POLI: variants seen among roughly 807,000 people sequenced by gnomAD.
POLI encodes the protein RAD30 homolog B.
Under a neutral mutation model 51.6 loss-of-function variants are expected in POLI, and 58 were observed. That is an observed-to-expected ratio of 1.12 (90% CI 0.91 to 1.40). The LOEUF (loss-of-function observed/expected upper bound fraction) is 1.40, where lower values mean the gene tolerates loss of function less well. POLI is among the 40% of genes most tolerant of loss of function. POLI has a pLI of 0.00. For missense variants in POLI, 921 were observed against 871.3 expected (o/e 1.06, Z -0.72); for synonymous variants, 322 against 299.7 (o/e 1.07, Z -0.77).
In POLI at chr18:54,307,498, C is replaced by T. The variant is rs367941055; in HGVS notation, c.334-12775C>T. 1.6e-3 allele frequency among the ~76,000 whole-genome samples: 239 copies of T among 152,200 alleles called. 2 individuals carry two copies. In the Middle Eastern group the frequency reaches 0.017, roughly 11 times the overall value. On this transcript the variant is annotated intron_variant, in intron 3 of 4. Coordinates refer to the POLI transcript ENST00000579823. Reference sequence around the variant, plus strand: ...TTACGTTTGCTGAGGAGTGCTTTACCTCCAACTATGTGGTCAGTTTTGGAA... The same window carrying T: ...TTACGTTTGCTGAGGAGTGCTTTACTTCCAACTATGTGGTCAGTTTTGGAA...
At position 54,315,725 on chromosome 18, in the gene POLI, T is replaced by C. The variant is rs201937402; in HGVS notation, c.334-4548T>C. Among the ~76,000 whole-genome samples the C allele has an allele frequency of 9.2e-5, 14 of 152,306 alleles. No homozygotes were observed. In the East Asian group the frequency reaches 2.1e-3, roughly 23 times the overall value. On this transcript the variant is annotated intron_variant, in intron 3 of 4. Transcript: ENST00000579823. The stretch of plus-strand genomic sequence containing the variant: ...ATATAATGCCCTTCTTTGTTCTTTT[T>C]GACTGTTTTTGATTTAAAGTCTGTT...
Position 54,296,905 on chromosome 18 carries a change from A to T in POLI, c.*2438A>T. ...GATAATTTCAATATTTTAAGTCTTT[A>T]TAAGTCTACATTTAAGGTTATTATT... On this transcript the variant is annotated 3_prime_UTR_variant, in exon 10 of 10. Coordinates refer to ENST00000579534, the MANE Select transcript of POLI (RefSeq NM_007195.3). 3.2e-6 allele frequency: 3 copies of T among 942,374 alleles called. No individual in the cohort carries two copies. Among genetic ancestry groups the T allele is most frequent in the Non-Finnish European group, 3.8e-6 (3 of 790,966 alleles). The allele number at this position is 942,374 out of a possible 1,614,324, so 58.4% of individuals were successfully genotyped here.
intron 3 of POLI, among the ~76,000 whole-genome samples, chr18:54,307,012 CAACAA>C: frequency 6.6e-6 from 1 of 152,002 alleles, no homozygotes; most frequent in Admixed American, 6.6e-5. Context: ...AAGAAAAGAT[CAACAA>C]AATTGATCTT....
chr18:54,274,200 C>G (rs2087137593), intron 3 of POLI, 110 bp downstream of exon 3: 1 of 491,608 alleles, frequency 2.0e-6, no homozygotes, highest in Admixed American at 4.4e-5. Context: ...ATGCTTTTTC[C>G]TAATAACTTC....
intron 3 of POLI, among the ~76,000 whole-genome samples, chr18:54,314,389 G>A (rs138302321): frequency 6.1e-4 from 93 of 152,190 alleles, no homozygotes; most frequent in African/African-American, 2.0e-3. Context: ...TTTTGTTTAT[G>A]GTTTTTGCAT....
downstream of POLI, among the ~76,000 whole-genome samples, chr18:54,302,911 C>G (rs560505185): frequency 1.3e-5 from 2 of 152,280 alleles, no homozygotes; most frequent in Admixed American, 6.5e-5. Flanking sequence ...CTTAACATAA[C>G]AACCTCCAGT....
rs1010779893 is a variant in POLI, at chr18:54,285,392, A to C, written c.1067+1379A>C. ...AGGTGCTCTAAACCTGTGACATACAAAACCTGTGAAATTAACCATTTGTCT... is the reference window on the plus strand; with the variant it reads ...AGGTGCTCTAAACCTGTGACATACACAACCTGTGAAATTAACCATTTGTCT... On this transcript the variant is annotated intron_variant, in intron 7 of 9. Coordinates refer to ENST00000579534, the MANE Select transcript of POLI (RefSeq NM_007195.3). 2.0e-5 allele frequency among the ~76,000 whole-genome samples: 3 copies of C among 152,166 alleles called. No homozygotes were observed. The East Asian group carries it at 5.8e-4, about 29-fold the overall frequency.
chr18:54,290,706 A>T (rs937880784), intron 8 of POLI, among the ~76,000 whole-genome samples: 5 of 152,142 alleles, frequency 3.3e-5, no homozygotes, highest in African/African-American at 1.2e-4. Context: ...GGAAACCATC[A>T]TTCTCAGCAA....
At chr18:54,309,662 T>C (rs914390436) in intron 3 of POLI, among the ~76,000 whole-genome samples, 1 of 152,216 alleles carries the variant, frequency 6.6e-6, no homozygotes, top group Non-Finnish European at 1.5e-5. Flanking sequence ...CTGCCTTTAG[T>C]TCAGCTATGC....
intron 8 of POLI, chr18:54,291,624 A>G (rs1026558934): frequency 3.4e-5 from 11 of 322,350 alleles, no homozygotes; most frequent in Non-Finnish European, 5.0e-5. Context: ...TTTTCTGACC[A>G]TATCAGTGTA....
intron 8 of POLI, among the ~76,000 whole-genome samples, chr18:54,288,184 G>A (rs550007152): frequency 6.6e-6 from 1 of 151,960 alleles, no homozygotes; most frequent in South Asian, 2.1e-4. Flanking sequence ...TCATATTTTC[G>A]CCAATATTTG....
At chr18:54,292,394 C>G (rs1250440475) in intron 9 of POLI, among the ~76,000 whole-genome samples, 1 of 152,106 alleles carries the variant, frequency 6.6e-6, no homozygotes, top group East Asian at 1.9e-4. Context: ...TTAGCTGACA[C>G]ATGAGCTACT....
downstream of POLI, among the ~76,000 whole-genome samples, chr18:54,300,036 A>G (rs1299545337): frequency 6.6e-6 from 1 of 152,136 alleles, no homozygotes; most frequent in African/African-American, 2.4e-5. Context: ...AGGCATACAT[A>G]TGAAAGAACT....
At chr18:54,281,668 A>G (rs1568127480) in intron 5 of POLI, among the ~76,000 whole-genome samples, 1 of 151,978 alleles carries the variant, frequency 6.6e-6, no homozygotes, top group Non-Finnish European at 1.5e-5. Flanking sequence ...CTGAAGAACA[A>G]TGTCAGGTTG....
chr18:54,315,052 G>A (rs567037210), intron 3 of POLI, among the ~76,000 whole-genome samples: 3 of 152,082 alleles, frequency 2.0e-5, no homozygotes, highest in Admixed American at 6.6e-5. Flanking sequence ...TTCATGTAAT[G>A]TTAGATTATT....
rs111925886 is a variant in POLI, at chr18:54,294,852, T to G, written c.*385T>G. The G allele has an allele frequency of 6.3e-5, 62 of 981,192 alleles. 1 individual carries two copies. In the African/African-American group the frequency reaches 1.0e-3, roughly 16 times the overall value. 60.8% of individuals were successfully genotyped at this position (981,192 alleles called of 1,614,324 possible). A position where few individuals can be genotyped will look rare whatever the true frequency, so the allele number is the denominator to read the frequency against. On this transcript the variant is annotated 3_prime_UTR_variant, in exon 10 of 10. Transcript: ENST00000579534. ...TTTTTCCTGTGAAATGTGGAATATC[T>G]CAAATTCAGCCTCTTAGGCTGAATA...
intron 3 of POLI, among the ~76,000 whole-genome samples, chr18:54,310,147 G>A (rs1038741476): frequency 7.2e-5 from 11 of 152,280 alleles, no homozygotes; most frequent in South Asian, 2.1e-4. Flanking sequence ...TTGGAAATGC[G>A]GAAATCACCC....
intron 3 of POLI, among the ~76,000 whole-genome samples, chr18:54,304,467 A>T (rs957639057): frequency 9.2e-5 from 14 of 152,148 alleles, no homozygotes; most frequent in African/African-American, 3.1e-4. Flanking sequence ...CTGGCGTGAG[A>T]TGGTATCTCA....
chr18:54,311,224 C>A, intron 3 of POLI: 1 of 368,302 alleles, frequency 2.7e-6, no homozygotes, highest in Non-Finnish European at 3.8e-6. Flanking sequence ...GCTGTTGCCT[C>A]TGTTGTTGAT....
Sources: allele counts gnomAD v4.1 joint callset (sites outside exome capture counted in the v4.1 genomes callset), GRCh38; gene constraint gnomAD v4.1.1; transcripts MANE v1.5; gene names NCBI Gene and HGNC (gene_info 2026-07-23, HGNC 2026-07-21).